Variants in KCNIP1 observed in about 807,000 individuals in gnomAD.
KCNIP1 encodes A-type potassium channel modulatory protein KCNIP1.
KCNIP1 carries 18 observed loss-of-function variants against 33.0 expected under a neutral mutation model. The ratio of observed to expected loss-of-function variants is 0.55; its 90% CI spans 0.38 to 0.81. KCNIP1 has a LOEUF of 0.81. Among genes scored for constraint, KCNIP1 ranks in the 30% least tolerant of loss-of-function variants. The pLI is 0.00. For missense variants in KCNIP1, 238 were observed against 271.6 expected (o/e 0.88, Z 0.87); for synonymous variants, 93 against 98.3 (o/e 0.95, Z 0.32).
chr5:170,478,732 GA>G (rs1756911548), intron 1 of KCNIP1, among the ~76,000 whole-genome samples: 1 of 151,696 alleles, frequency 6.6e-6, no homozygotes. Flanking sequence ...ATGCTCTAAA[GA>G]AAAAAAGAAA....
Position 170,489,332 on chromosome 5 carries a change from G to A in KCNIP1, c.88+135368G>A, listed in dbSNP as rs750981370. Among the ~76,000 whole-genome samples the A allele has an allele frequency of 2.0e-5, 3 of 152,258 alleles. No individual in the cohort carries two copies. Among genetic ancestry groups the A allele is most frequent in the Non-Finnish European group, 1.5e-5 (1 of 68,040 alleles). On this transcript the variant is annotated intron_variant, in intron 1 of 7. Coordinates refer to the KCNIP1 transcript ENST00000377360. The surrounding 1 kb of genome is among the most constrained non-coding windows in gnomAD (Gnocchi z 4.3). The stretch of plus-strand genomic sequence containing the variant: ...TCAAGATTTGCACATTGTCAGCAGA[G>A]AAGGAATGAGACTGTCTGGTTGCCG...
At chr5:170,378,942 T>A in intron 1 of KCNIP1, 2 of 1,614,040 alleles carry the variant, frequency 1.2e-6, no homozygotes, top group East Asian at 2.2e-5. Context: ...GGCCGTCTGG[T>A]AATTGTCCAC....
intron 1 of KCNIP1, among the ~76,000 whole-genome samples, chr5:170,713,259 A>C (rs980666164): frequency 6.6e-6 from 1 of 152,136 alleles, no homozygotes; most frequent in African/African-American, 2.4e-5. Flanking sequence ...TTATTACTTT[A>C]TCTCTTTTTA....
chr5:170,424,561 C>T (rs921931492), intron 1 of KCNIP1, among the ~76,000 whole-genome samples: 7 of 152,094 alleles, frequency 4.6e-5, no homozygotes, highest in Non-Finnish European at 8.8e-5. Flanking sequence ...AGAATCCTTT[C>T]GGCTGGGGCT....
intron 1 of KCNIP1, among the ~76,000 whole-genome samples, chr5:170,564,935 G>A (rs1484275860): frequency 2.0e-5 from 3 of 151,802 alleles, no homozygotes; most frequent in Non-Finnish European, 4.4e-5. Flanking sequence ...ATTTGTTTCT[G>A]ACTTAGCTTG....
At chr5:170,595,806 G>C (rs1478685520) in intron 1 of KCNIP1, among the ~76,000 whole-genome samples, 3 of 152,212 alleles carry the variant, frequency 2.0e-5, no homozygotes, top group African/African-American at 7.2e-5. Flanking sequence ...ACTCCAAAGA[G>C]CCAAGCTCTT....
chr5:170,585,435 C>T (rs1048295638), intron 1 of KCNIP1, among the ~76,000 whole-genome samples: 2 of 152,140 alleles, frequency 1.3e-5, no homozygotes, highest in African/African-American at 2.4e-5. Flanking sequence ...GCACATTCCA[C>T]TGTATTTTCC....
intron 1 of KCNIP1, among the ~76,000 whole-genome samples, chr5:170,584,686 G>A (rs908139551): frequency 7.2e-5 from 11 of 152,152 alleles, no homozygotes; most frequent in African/African-American, 2.7e-4. Flanking sequence ...GGACAACTCC[G>A]GGGACTTAGT....
At chr5:170,698,019 T>G (rs1396001155) in intron 1 of KCNIP1, among the ~76,000 whole-genome samples, 1 of 152,110 alleles carries the variant, frequency 6.6e-6, no homozygotes, top group Non-Finnish European at 1.5e-5. Context: ...ATATTAAAAA[T>G]CTATCCATAC....
intron 1 of KCNIP1, among the ~76,000 whole-genome samples, chr5:170,622,428 C>G (rs905135771): frequency 6.6e-6 from 1 of 151,920 alleles, no homozygotes. Context: ...TCAAGACCAG[C>G]CTGGCCAACA....
chr5:170,471,225 G>C (rs571867834), intron 1 of KCNIP1, among the ~76,000 whole-genome samples: 2 of 152,094 alleles, frequency 1.3e-5, no homozygotes. Flanking sequence ...TTGAACTATC[G>C]GTTGGGTGCT....
intron 1 of KCNIP1, among the ~76,000 whole-genome samples, chr5:170,633,944 C>G (rs1760184684): frequency 6.6e-6 from 1 of 152,048 alleles, no homozygotes; most frequent in African/African-American, 2.4e-5. Context: ...GAAAAGCGCC[C>G]AAGAGGCTTC....
At chr5:170,735,259 T>C (rs1051209877) in intron 7 of KCNIP1, among the ~76,000 whole-genome samples, 4 of 152,208 alleles carry the variant, frequency 2.6e-5, no homozygotes, top group African/African-American at 7.2e-5. Flanking sequence ...AGGTATAGTA[T>C]TGAATGTAGA....
rs564406218 is a variant in KCNIP1, at chr5:170,412,060, C to T, written c.88+58096C>T. 3.3e-5 allele frequency among the ~76,000 whole-genome samples: 5 copies of T among 152,310 alleles called. No homozygotes were observed. The South Asian group carries it at 1.0e-3, about 32-fold the overall frequency. ...CATAGCAAGTGACGGTGCATGCTGG[C>T]TGAATGAATAAATGTTGGACCCAAT... On this transcript the variant is annotated intron_variant, in intron 1 of 7. Transcript: ENST00000377360.
chr5:170,372,256 G>A (rs554386041), intron 1 of KCNIP1, among the ~76,000 whole-genome samples: 31 of 152,274 alleles, frequency 2.0e-4, no homozygotes, highest in South Asian at 2.1e-4. Flanking sequence ...ACAGGCAGAC[G>A]GAAGAGACAC....
chr5:170,470,439 C>A (rs1409047758), intron 1 of KCNIP1, among the ~76,000 whole-genome samples: 1 of 152,034 alleles, frequency 6.6e-6, no homozygotes, highest in Non-Finnish European at 1.5e-5. Flanking sequence ...ACTCTTGTTA[C>A]CGAACTGATC....
At chr5:170,354,406 G>T (rs1280343523) in intron 1 of KCNIP1, among the ~76,000 whole-genome samples, 1 of 152,188 alleles carries the variant, frequency 6.6e-6, no homozygotes, top group Non-Finnish European at 1.5e-5. Context: ...GTGATGGGCC[G>T]GCATCTGCTT....
At chr5:170,728,315 A>G (rs1377062193) in intron 5 of KCNIP1, among the ~76,000 whole-genome samples, 1 of 152,252 alleles carries the variant, frequency 6.6e-6, no homozygotes, top group African/African-American at 2.4e-5. Flanking sequence ...AGACATCACC[A>G]CTGTTTAACA....
At chr5:170,627,649 T>A (rs1287373472) in intron 1 of KCNIP1, among the ~76,000 whole-genome samples, 1 of 152,264 alleles carries the variant, frequency 6.6e-6, no homozygotes, top group African/African-American at 2.4e-5. Flanking sequence ...AATGGCTGTT[T>A]GGCTTGAAGA....
Sources: gnomAD v4.1 joint callset for allele counts (sites outside exome capture counted in the v4.1 genomes callset) on GRCh38, gnomAD v4.1.1 for gene constraint, Gnocchi (gnomAD v3.1) non-coding constraint, MANE v1.5 for transcripts, NCBI Gene and HGNC (gene_info 2026-07-23, HGNC 2026-07-21) for gene names.